The following TTN variants were observed in gnomAD, a reference collection of about 807,000 sequenced individuals.
The protein encoded by TTN is titin.
Under a neutral mutation model 3,223.0 loss-of-function variants are expected in TTN, and 1,525 were observed. The ratio of observed to expected loss-of-function variants is 0.47; its 90% CI spans 0.45 to 0.49. The LOEUF (loss-of-function observed/expected upper bound fraction) is 0.49, where lower values mean the gene tolerates loss of function less well. Ranked by LOEUF, TTN falls within the 20% of genes least tolerant of loss-of-function variation. The pLI is 0.00. For missense variants in TTN, 40,786 were observed against 43,424.0 expected, an observed-to-expected ratio of 0.94 and a Z score of 5.40; for synonymous variants, 14,094 against 15,161.0, an observed-to-expected ratio of 0.93 and a Z score of 5.17.
In TTN at chr2:178,622,737, G is replaced by C. The variant is rs758369343; in HGVS notation, c.44846C>G (p.Thr14949Ser). The C allele has an allele frequency of 6.2e-7, 1 of 1,605,254 alleles. No homozygotes were observed. Among genetic ancestry groups the C allele is most frequent in the Admixed American group, 1.7e-5 (1 of 59,158 alleles). ...PPHVEFLRPL[T>S]DLQVREKEMA... The stretch of plus-strand genomic sequence containing the variant: ...TTCTTTTTCTCTAACTTGAAGGTCG[G>C]TGAGTGGTCTTAAGAATTCCACATG... The change falls in exon 243 of 363, where the codon ACC (threonine) becomes AGC (serine). Residue 14949 changes from threonine to serine, a missense_variant. Coordinates refer to ENST00000589042, the MANE Select transcript of TTN (RefSeq NM_001267550.2).
At chr2:178,630,083 C>CA (rs1199559556) in intron 239 of TTN, among the ~76,000 whole-genome samples, 158 bp downstream of exon 239, 37 of 152,188 alleles carry the variant, frequency 2.4e-4, no homozygotes, top group Non-Finnish European at 4.9e-4. Flanking sequence ...ATTTGAACCA[C>CA]TTCTGTATTG....
At chr2:178,624,768 T>C (rs2058777520) in intron 241 of TTN, 37 bp from the exon 242 acceptor site, 1 of 1,603,442 alleles carries the variant, frequency 6.2e-7, no homozygotes, top group African/African-American at 1.4e-5. Flanking sequence ...GGTACTCCTT[T>C]CCTTCTCCAA....
intron 47 of TTN, chr2:178,749,514 G>T (rs144372815): frequency 3.1e-6 from 5 of 1,612,850 alleles, no homozygotes; most frequent in Non-Finnish European, 4.2e-6. Context: ...TTTGTCCAGG[G>T]AGTAAAGGGA....
At chr2:178,743,390 A>T (rs1458624150) in intron 47 of TTN, among the ~76,000 whole-genome samples, 1 of 151,968 alleles carries the variant, frequency 6.6e-6, no homozygotes, top group Non-Finnish European at 1.5e-5. Flanking sequence ...GTCAGAAAAT[A>T]AAAAATTCCA....
intron 47 of TTN, chr2:178,746,172 C>T (rs1044034258): frequency 1.5e-5 from 25 of 1,613,078 alleles, no homozygotes; most frequent in Middle Eastern, 3.3e-4. Flanking sequence ...CACTTAACTT[C>T]GGGAGTCGGG....
chr2:178,727,075 G>C lies in TTN; in HGVS notation c.20275+15C>G. On this transcript the variant is annotated intron_variant, in intron 69 of 362. Transcript: ENST00000589042. ...GGTTTTCATTTAATGAGAAACACAAGAACAAGATGTCTACCTTTTACTATA... is the reference window on the plus strand; with the variant it reads ...GGTTTTCATTTAATGAGAAACACAACAACAAGATGTCTACCTTTTACTATA... 1 of 1,449,188 alleles carries C rather than the reference G, an allele frequency of 6.9e-7. No individual in the cohort carries two copies. The highest frequency in any genetic ancestry group is 9.1e-7 in the Non-Finnish European group (1 of 1,094,628). The allele number at this position is 1,449,188 out of a possible 1,614,324, so 89.8% of individuals were successfully genotyped here.
chr2:178,643,125 T>A (rs2154240879), intron 218 of TTN, among the ~76,000 whole-genome samples: 1 of 152,078 alleles, frequency 6.6e-6, no homozygotes, highest in East Asian at 1.9e-4. Context: ...ACCATTTTCC[T>A]CTCTACTAAT....
In TTN at chr2:178,612,759, CA is replaced by C; in HGVS notation, c.49948+13del. ...AGAAGAATTTATATATCCCAGACAT[CA>C]AGAGTGACTTACATAGCTTCTCCCG... On this transcript the variant is annotated intron_variant, in intron 265 of 362. Transcript: ENST00000589042. 1 of 1,600,746 alleles carries C rather than the reference CA, an allele frequency of 6.2e-7. No individual in the cohort carries two copies. The highest frequency in any genetic ancestry group is 1.1e-5 in the South Asian group (1 of 88,374).
intron 88 of TTN, 89 bp from the exon 89 acceptor site, chr2:178,715,863 G>C (rs1020406283): frequency 2.2e-6 from 3 of 1,346,844 alleles, no homozygotes; most frequent in Non-Finnish European, 2.0e-6. Flanking sequence ...CTTTGCTAGA[G>C]AGGTCTTTAG....
chr2:178,599,498 A>G (rs1322354563), intron 289 of TTN, 53 bp from the exon 290 acceptor site: 3 of 1,518,220 alleles, frequency 2.0e-6, no homozygotes, highest in East Asian at 2.3e-5. Flanking sequence ...TTTAAAGCCA[A>G]ATGTTATTTA....
In TTN at chr2:178,593,441, T is replaced by C. The variant is rs1349484500; in HGVS notation, c.58767A>G (p.Thr19589=). Residue 19589 remains threonine (T), a synonymous_variant, in exon 299 of 363, where the codon ACA becomes ACG. Coordinates refer to ENST00000589042, the MANE Select transcript of TTN (RefSeq NM_001267550.2). ...CTAATGCAGAGTCTTTGGTAACTTC[T>C]GTAACAATTGGCTGATCAGGTGCAT... ...VPDAPDQPIV[T]EVTKDSALVT... 1.2e-6 allele frequency: 2 copies of C among 1,612,972 alleles called. No individual in the cohort carries two copies. Among genetic ancestry groups the C allele is most frequent in the Non-Finnish European group, 8.5e-7 (1 of 1,179,554 alleles).
At position 178,741,186 on chromosome 2, in the gene TTN, A is replaced by G. The variant is rs760386971; in HGVS notation, c.12047T>C (p.Met4016Thr). Reference sequence around the variant, plus strand: ...TGCTGCACAGGTGGACTCACCCAACATATTCTCTGCTTTACAGATATAGAG... The same window carrying G: ...TGCTGCACAGGTGGACTCACCCAACGTATTCTCTGCTTTACAGATATAGAG... ...SGLYICKAEN[M>T]LGESTCAAEL... The change falls in exon 48 of 363, where the codon ATG (methionine) becomes ACG (threonine). Residue 4016 changes from methionine (M) to threonine (T), a missense_variant. Physicochemically the swap from Met to Thr is moderately conservative, Grantham distance 81 (BLOSUM62 -1). Coordinates refer to ENST00000589042, the MANE Select transcript of TTN (RefSeq NM_001267550.2). 1.9e-6 allele frequency: 3 copies of G among 1,613,398 alleles called. No homozygotes were observed. The highest frequency in any genetic ancestry group is 1.7e-5 in the Admixed American group (1 of 60,006).
chr2:178,759,645 TA>T (rs2088439718), intron 43 of TTN, among the ~76,000 whole-genome samples: 2 of 152,168 alleles, frequency 1.3e-5, no homozygotes, highest in African/African-American at 4.8e-5. Context: ...AAGATCAAGA[TA>T]TGAAAAGTCT....
chr2:178,628,412 C>G (rs2059354424), intron 240 of TTN, among the ~76,000 whole-genome samples: 1 of 151,934 alleles, frequency 6.6e-6, no homozygotes. Context: ...ATGTACTGTC[C>G]TGTGCTTTAT....
At position 178,547,620 on chromosome 2, in the gene TTN, C is replaced by T; in HGVS notation, c.94006G>A (p.Gly31336Arg). The change falls in exon 339 of 363, where the codon GGA (glycine) becomes AGA (arginine). Residue 31336 changes from glycine to arginine, a missense_variant. Gly to Arg is a moderately radical substitution (Grantham distance 125). Coordinates refer to ENST00000589042, the MANE Select transcript of TTN (RefSeq NM_001267550.2). ...CVLSWGEPKD[G>R]GGTEITNYIV... ...TAATTAGTAATTTCAGTGCCTCCTC[C>T]ATCTTTAGGTTCTCCCCATGACAGG... is the stretch of plus-strand genomic sequence containing the variant. The T allele has an allele frequency of 1.2e-6, 2 of 1,613,896 alleles. No individual in the cohort carries two copies. The highest frequency in any genetic ancestry group is 2.2e-5 in the East Asian group (1 of 44,860).
At chr2:178,714,213 C>A in intron 91 of TTN, 38 bp from the exon 92 acceptor site, 1 of 1,590,480 alleles carries the variant, frequency 6.3e-7, no homozygotes, top group South Asian at 1.2e-5. Flanking sequence ...ATTTTAAACT[C>A]AAATTGAAAA....
At chr2:178,752,798 C>T (rs542874552) in intron 47 of TTN, among the ~76,000 whole-genome samples, 1 of 152,120 alleles carries the variant, frequency 6.6e-6, no homozygotes, top group South Asian at 2.1e-4. Context: ...ATTTTGAAAA[C>T]AAACTTCTAC....
rs1426162588 is a variant in TTN, at chr2:178,629,411, C to A, written c.44314G>T (p.Asp14772Tyr). The change falls in exon 240 of 363, where the codon GAT (aspartate) becomes TAT (tyrosine). Residue 14772 changes from aspartate (D) to tyrosine (Y), a missense_variant. By Grantham distance (160) the Asp-to-Tyr change is radical (BLOSUM62 -3). Coordinates refer to ENST00000589042, the MANE Select transcript of TTN (RefSeq NM_001267550.2). ...RVIGLLRPLK[D>Y]VTVTAGETAT... is the part of the protein sequence containing the mutation. ...GTTTCCCCTGCAGTCACGGTGACATCCTTTAAAGGCCTCAGAAGACCAATT... is the reference window on the plus strand; with the variant it reads ...GTTTCCCCTGCAGTCACGGTGACATACTTTAAAGGCCTCAGAAGACCAATT... 3 of 1,613,000 alleles carry A rather than the reference C, an allele frequency of 1.9e-6. No homozygotes were observed. In the South Asian group the frequency reaches 3.3e-5, roughly 18 times the overall value.
At position 178,601,406 on chromosome 2, in the gene TTN, G is replaced by T; in HGVS notation, c.55591C>A (p.Pro18531Thr). 3 of 1,612,734 alleles carry T rather than the reference G, an allele frequency of 1.9e-6. No individual in the cohort carries two copies. The highest frequency in any genetic ancestry group is 1.3e-5 in the African/African-American group (1 of 74,950). The change falls in exon 287 of 363, where the codon CCA becomes ACA. Residue 18531 changes from proline (P) to threonine (T), a missense_variant. Transcript: ENST00000589042. ...ACAAATGTGGTGCTTCCACAGTCTG[G>T]ATTGACTTTGGTCCAGGCTTTTCCA... ...IDGKAWTKVN[P>T]DCGSTTFVVP... is the part of the protein sequence containing the mutation.
Sources: gnomAD v4.1 joint callset for allele counts (sites outside exome capture counted in the v4.1 genomes callset) on GRCh38, gnomAD v4.1.1 for gene constraint, MANE v1.5 for transcripts, NCBI Gene and HGNC (gene_info 2026-07-23, HGNC 2026-07-21) for gene names.